Variants in NEGR1 observed in about 807,000 individuals in gnomAD.
NEGR1 encodes neuronal growth regulator 1, also known as IgLON family member 4.
NEGR1 carries 10 observed loss-of-function variants against 40.9 expected under a neutral mutation model. The observed-to-expected ratio is 0.24, with a 90% CI of 0.15 to 0.42. The LOEUF (loss-of-function observed/expected upper bound fraction) is 0.42, where lower values mean the gene tolerates loss of function less well. Among genes scored for constraint, NEGR1 ranks in the 10% least tolerant of loss-of-function variants. NEGR1 has a pLI of 1.00. For synonymous variants in NEGR1, 185 were observed against 166.8 expected, an observed-to-expected ratio of 1.11 and a Z score of -0.84; for missense variants, 352 against 438.9, an observed-to-expected ratio of 0.80 and a Z score of 1.77.
At chr1:71,798,483 C>G in intron 2 of NEGR1, among the ~76,000 whole-genome samples, 1 of 152,124 alleles carries the variant, frequency 6.6e-6, no homozygotes, top group Admixed American at 6.6e-5. Flanking sequence ...TAATAACTAG[C>G]ATTAATTATA....
At chr1:71,848,893 C>T (rs888001559) in intron 2 of NEGR1, among the ~76,000 whole-genome samples, 3 of 152,158 alleles carry the variant, frequency 2.0e-5, no homozygotes, top group East Asian at 1.9e-4. Flanking sequence ...AGTTTGAGAC[C>T]AGCCTGACCA....
chr1:71,568,745 GTA>G (rs1194178027), intron 6 of NEGR1, among the ~76,000 whole-genome samples: 1 of 151,540 alleles, frequency 6.6e-6, no homozygotes, highest in African/African-American at 2.4e-5. Context: ...ATATATGTGA[GTA>G]TATATGTGTT....
chr1:71,846,141 G>T (rs977463916), intron 2 of NEGR1, among the ~76,000 whole-genome samples: 19 of 151,920 alleles, frequency 1.3e-4, no homozygotes, highest in African/African-American at 4.6e-4. Flanking sequence ...AAGCCAGAAA[G>T]GTTGTTATTC....
intron 6 of NEGR1, among the ~76,000 whole-genome samples, chr1:71,415,717 T>A (rs531114965): frequency 6.6e-6 from 1 of 152,282 alleles, no homozygotes; most frequent in African/African-American, 2.4e-5. Context: ...ATGTTTTGGA[T>A]TTTTTTGTTT....
intron 6 of NEGR1, among the ~76,000 whole-genome samples, chr1:71,553,908 C>G (rs903616721): frequency 6.6e-6 from 1 of 151,284 alleles, no homozygotes; most frequent in Non-Finnish European, 1.5e-5. Context: ...TAACATATTT[C>G]CTTTTGATGA....
intron 2 of NEGR1, among the ~76,000 whole-genome samples, chr1:71,818,756 AT>A (rs1449137307): frequency 1.3e-5 from 2 of 151,940 alleles, no homozygotes; most frequent in Admixed American, 6.6e-5. Context: ...AAGGAGGTAA[AT>A]TTTTTTAACA....
intron 2 of NEGR1, among the ~76,000 whole-genome samples, chr1:71,821,585 A>G (rs2101777167): frequency 6.6e-6 from 1 of 152,114 alleles, no homozygotes; most frequent in East Asian, 1.9e-4. Flanking sequence ...GCTAAGGTGC[A>G]ACAGCCCCAC....
chr1:71,847,355 T>A (rs1484858014), intron 2 of NEGR1, among the ~76,000 whole-genome samples: 2 of 152,218 alleles, frequency 1.3e-5, no homozygotes, highest in Non-Finnish European at 2.9e-5. Flanking sequence ...ATAATGCATT[T>A]GTTACAAACT....
intron 3 of NEGR1, among the ~76,000 whole-genome samples, chr1:71,759,718 T>G (rs1655874962): frequency 6.7e-6 from 1 of 148,420 alleles, no homozygotes; most frequent in Non-Finnish European, 1.5e-5. Flanking sequence ...CATGCGATCC[T>G]TCTGCCTCGG....
chr1:71,931,357 G>A (rs1201892259), intron 2 of NEGR1, among the ~76,000 whole-genome samples: 4 of 151,992 alleles, frequency 2.6e-5, no homozygotes, highest in Admixed American at 6.6e-5. Flanking sequence ...GACTTTAAAC[G>A]TCATGGAGAA....
chr1:71,821,938 C>G (rs558430246), intron 2 of NEGR1, among the ~76,000 whole-genome samples: 2 of 152,010 alleles, frequency 1.3e-5, no homozygotes, highest in African/African-American at 4.8e-5. Flanking sequence ...ACCAGCAACT[C>G]CTCCCACAAC....
chr1:71,614,672 G>T (rs1435585004), intron 4 of NEGR1, among the ~76,000 whole-genome samples: 3 of 152,092 alleles, frequency 2.0e-5, no homozygotes, highest in African/African-American at 7.2e-5. Context: ...TGATAACCTG[G>T]TTAGTTTAAT....
intron 6 of NEGR1, chr1:71,422,538 G>A (rs983947726): frequency 6.6e-6 from 1 of 152,112 alleles, no homozygotes; most frequent in African/African-American, 2.4e-5. Context: ...TCTCATAGTC[G>A]AAAGCTAAAG....
rs1646237937 is a variant in NEGR1 at position 71,400,182 on chromosome 1, T to C, written c.*7264A>G. The stretch of plus-strand genomic sequence containing the variant: ...AATGAAGGAGGGAAACCACCCTCTT[T>C]AACATTTTAAAGTTTTGAAGGTGTA... On this transcript the variant is annotated 3_prime_UTR_variant, in exon 7 of 7. Transcript: ENST00000357731. The C allele has an allele frequency of 6.6e-6, 1 of 152,220 alleles. No homozygotes were observed. The highest frequency in any genetic ancestry group is 1.5e-5 in the Non-Finnish European group (1 of 68,038). 9.4% of individuals were successfully genotyped at this position (152,220 alleles called of 1,614,324 possible). A position where few individuals can be genotyped will look rare whatever the true frequency, so the allele number is the denominator to read the frequency against.
At chr1:71,432,666 C>T (rs544809173) in intron 6 of NEGR1, among the ~76,000 whole-genome samples, 20 of 152,182 alleles carry the variant, frequency 1.3e-4, no homozygotes, top group Non-Finnish European at 2.6e-4. Flanking sequence ...AAGACTGACT[C>T]CAAGGATCAT....
intron 3 of NEGR1, among the ~76,000 whole-genome samples, chr1:71,720,361 G>T (rs1314594422): frequency 6.6e-6 from 1 of 152,268 alleles, no homozygotes; most frequent in African/African-American, 2.4e-5. Context: ...ATATAGCTAA[G>T]TTAGTAGTGT....
intron 1 of NEGR1, among the ~76,000 whole-genome samples, chr1:72,242,200 C>T (rs1654767021): frequency 6.6e-6 from 1 of 151,490 alleles, no homozygotes; most frequent in Non-Finnish European, 1.5e-5. Flanking sequence ...AATTATTATC[C>T]TCTTGAATAT....
At chr1:72,236,785 G>A (rs1654562522) in intron 1 of NEGR1, among the ~76,000 whole-genome samples, 1 of 151,840 alleles carries the variant, frequency 6.6e-6, no homozygotes, top group Non-Finnish European at 1.5e-5. Flanking sequence ...CATTTTTCCT[G>A]TAGTTTACAG....
intron 1 of NEGR1, among the ~76,000 whole-genome samples, chr1:72,081,136 AG>A (rs1219093967): frequency 6.6e-6 from 1 of 152,158 alleles, no homozygotes; most frequent in African/African-American, 2.4e-5. Flanking sequence ...AAACAGAGGC[AG>A]GACTTGGGCT....
Sources: gnomAD v4.1 joint callset for allele counts (sites outside exome capture counted in the v4.1 genomes callset) on GRCh38, gnomAD v4.1.1 for gene constraint, MANE v1.5 for transcripts, NCBI Gene and HGNC (gene_info 2026-07-23, HGNC 2026-07-21) for gene names.